The following SNCAIP variants were observed in gnomAD, a reference collection of about 807,000 sequenced individuals.
The protein encoded by SNCAIP is synphilin-1.
Under a neutral mutation model 86.7 loss-of-function variants are expected in SNCAIP, and 43 were observed. The ratio of observed to expected loss-of-function variants is 0.50; its 90% confidence interval spans 0.39 to 0.64. The LOEUF (loss-of-function observed/expected upper bound fraction) is 0.64. SNCAIP is among the 30% of genes least tolerant of loss of function. The pLI, the probability that SNCAIP is intolerant of heterozygous loss-of-function variation, is 0.00. For missense variants in SNCAIP, 981 were observed against 1,103.1 expected (o/e 0.89, Z 1.57); for synonymous variants, 417 against 427.2 (o/e 0.98, Z 0.29).
intron 1 of SNCAIP, among the ~76,000 whole-genome samples, chr5:122,313,299 G>T (rs1417993331): frequency 1.3e-5 from 2 of 152,168 alleles, no homozygotes; most frequent in Middle Eastern, 3.2e-3. Context: ...CAAAGAGCCC[G>T]GAGGACGGGA....
intron 6 of SNCAIP, among the ~76,000 whole-genome samples, chr5:122,435,870 C>T (rs1272485808): frequency 1.3e-5 from 2 of 152,094 alleles, no homozygotes; most frequent in African/African-American, 2.4e-5. Context: ...GAAAGTGCTG[C>T]GATCACAGAT....
At chr5:122,311,573 C>T (rs1750588503), upstream of SNCAIP, 1 of 152,258 alleles carries the variant, frequency 6.6e-6, no homozygotes, top group South Asian at 2.1e-4. Flanking sequence ...ATGCTGGAAC[C>T]CTGGAATGGT....
At chr5:122,318,693 T>C (rs1752321543) in intron 1 of SNCAIP, among the ~76,000 whole-genome samples, 1 of 152,220 alleles carries the variant, frequency 6.6e-6, no homozygotes, top group South Asian at 2.1e-4. Context: ...TCAACAGTTT[T>C]CTCAATGGTT....
At chr5:122,395,187 T>C (rs2152850371) in intron 2 of SNCAIP, among the ~76,000 whole-genome samples, 1 of 152,304 alleles carries the variant, frequency 6.6e-6, no homozygotes, top group South Asian at 2.1e-4. Context: ...AATTTTACTG[T>C]ACCTCAACAT....
intron 3 of SNCAIP, among the ~76,000 whole-genome samples, chr5:122,405,759 T>C (rs1772835116): frequency 6.6e-6 from 1 of 152,254 alleles, no homozygotes; most frequent in Admixed American, 6.5e-5. Flanking sequence ...AAATGGTGAC[T>C]CTTACCAAGT....
At chr5:122,324,554 T>C (rs184895088) in intron 1 of SNCAIP, among the ~76,000 whole-genome samples, 18 of 152,318 alleles carry the variant, frequency 1.2e-4, no homozygotes, top group Non-Finnish European at 2.4e-4. Context: ...AACAAGTAAA[T>C]GTGTTCCTAA....
intron 1 of SNCAIP, among the ~76,000 whole-genome samples, chr5:122,363,253 C>A (rs1431932284): frequency 6.6e-6 from 1 of 152,178 alleles, no homozygotes; most frequent in Non-Finnish European, 1.5e-5. Flanking sequence ...GCCTCGGTCT[C>A]CCAAAGTGCT....
intron 1 of SNCAIP, among the ~76,000 whole-genome samples, chr5:122,378,173 C>G (rs1765789811): frequency 1.4e-5 from 2 of 146,912 alleles, no homozygotes; most frequent in African/African-American, 5.1e-5. Context: ...AAAAGTGTTC[C>G]TATTTCTCCA....
intron 1 of SNCAIP, among the ~76,000 whole-genome samples, chr5:122,375,577 G>A (rs1023084971): frequency 6.6e-6 from 1 of 151,336 alleles, no homozygotes; most frequent in Non-Finnish European, 1.5e-5. Flanking sequence ...TTCTAAAAAG[G>A]CTGCATTGAA....
chr5:122,444,503 T>C (rs562617261), intron 7 of SNCAIP, 60 bp from the exon 8 acceptor site: 3 of 1,477,116 alleles, frequency 2.0e-6, no homozygotes, highest in East Asian at 4.5e-5. Context: ...TCTGTTACAG[T>C]CATTAAAAAA....
At chr5:122,355,651 T>C (rs1384768751) in intron 1 of SNCAIP, among the ~76,000 whole-genome samples, 1 of 152,188 alleles carries the variant, frequency 6.6e-6, no homozygotes, top group Non-Finnish European at 1.5e-5. Flanking sequence ...CATGGTAAGA[T>C]CCTGATACCA....
chr5:122,314,834 T>A (rs150325686), intron 1 of SNCAIP, among the ~76,000 whole-genome samples: 1 of 152,252 alleles, frequency 6.6e-6, no homozygotes, highest in Non-Finnish European at 1.5e-5. Flanking sequence ...AAAGTACTAA[T>A]TGATTCCTAA....
chr5:122,411,734 A>G (rs1016350616), intron 3 of SNCAIP, among the ~76,000 whole-genome samples: 2 of 152,170 alleles, frequency 1.3e-5, no homozygotes, highest in East Asian at 3.9e-4. Flanking sequence ...CGTAAGCGTC[A>G]GCATCACCCA....
chr5:122,320,518 T>C (rs1170547111), intron 1 of SNCAIP, among the ~76,000 whole-genome samples: 2 of 152,220 alleles, frequency 1.3e-5, no homozygotes, highest in South Asian at 2.1e-4. Flanking sequence ...GTAAGTGTTA[T>C]GAAAAAGGAA....
chr5:122,372,967 T>C (rs1458294860), intron 1 of SNCAIP, among the ~76,000 whole-genome samples: 1 of 152,188 alleles, frequency 6.6e-6, no homozygotes, highest in Admixed American at 6.5e-5. Flanking sequence ...AAAACCATTC[T>C]ACTTGTATAA....
rs531039578 is a variant in SNCAIP, at chr5:122,320,684, G to T, written c.-47+8400G>T. Among the ~76,000 whole-genome samples, 181 of 152,270 alleles carry T rather than the reference G, an allele frequency of 1.2e-3. 5 individuals carry two copies. The South Asian group carries it at 0.036, about 31-fold the overall frequency. ...TTAGTTGACAGAGTCAGGGGGATAT[G>T]CAGGCCAAGCAGTTAATCTCAGTCC... On this transcript the variant is annotated intron_variant, in intron 1 of 10. Transcript: ENST00000261368.
At chr5:122,458,926 T>TA (rs1159682492) in intron 10 of SNCAIP, among the ~76,000 whole-genome samples, 1 of 152,130 alleles carries the variant, frequency 6.6e-6, no homozygotes, top group African/African-American at 2.4e-5. Context: ...TGGTGCATGA[T>TA]AGAGACTTCA....
intron 3 of SNCAIP, among the ~76,000 whole-genome samples, chr5:122,406,995 A>G (rs560703022): frequency 5.9e-5 from 9 of 152,238 alleles, no homozygotes; most frequent in Admixed American, 3.3e-4. Context: ...AGATGTTCTC[A>G]TTTACTCTCT....
intron 1 of SNCAIP, among the ~76,000 whole-genome samples, chr5:122,314,541 A>G (rs976403435): frequency 6.6e-6 from 1 of 152,216 alleles, no homozygotes; most frequent in African/African-American, 2.4e-5. Context: ...GGTGAAAATC[A>G]AATAGTTGCT....
Sources: gnomAD v4.1 joint callset for allele counts (sites outside exome capture counted in the v4.1 genomes callset) on GRCh38, gnomAD v4.1.1 for gene constraint, MANE v1.5 for transcripts, NCBI Gene and HGNC (gene_info 2026-07-23, HGNC 2026-07-21) for gene names.